Variants in UTS2R observed in about 807,000 individuals in gnomAD.
The protein encoded by UTS2R is urotensin-2 receptor.
For missense variants in UTS2R, 653 were observed against 562.2 expected, an observed-to-expected ratio of 1.16 and a Z score of -1.63; for synonymous variants, 335 against 280.9, an observed-to-expected ratio of 1.19 and a Z score of -1.93.
In UTS2R at chr17:82,372,601, A is replaced by C. The variant is rs190200820; in HGVS notation, c.-265A>C. On this transcript the variant is annotated 5_prime_UTR_variant, in exon 2 of 3. Coordinates refer to ENST00000313135, the MANE Select transcript of UTS2R (RefSeq NM_018949.3). ...CTCCTGTGTCTTGTTTCTTCAGCCC[A>C]CCACCGCGCTGTTTCATCCAGGCTG... Among the ~76,000 whole-genome samples the C allele has an allele frequency of 1.5e-3, 229 of 152,194 alleles. 1 individual carries two copies. Among genetic ancestry groups the C allele is most frequent in the Non-Finnish European group, 2.5e-3 (167 of 68,008 alleles).
chr17:82,372,489 G>A (rs2052458250), intron 1 of UTS2R, among the ~76,000 whole-genome samples, 109 bp from the exon 2 acceptor site: 1 of 152,180 alleles, frequency 6.6e-6, no homozygotes, highest in Non-Finnish European at 1.5e-5. Context: ...CCCACCTGTT[G>A]ACAACTCCCC....
intron 2 of UTS2R, among the ~76,000 whole-genome samples, chr17:82,373,355 T>C (rs995887976): frequency 1.3e-5 from 2 of 151,854 alleles, no homozygotes; most frequent in Non-Finnish European, 2.9e-5. Flanking sequence ...AGAGACGGGG[T>C]TTCGAGATGT....
chr17:82,377,068 G>A lies in UTS2R; in HGVS notation c.*1574G>A, dbSNP rs1188428148. ...GATTGAGAAATCGGATGGTTGCCGT[G>A]TCTGTGTAGAAAGAAGTAGACATGG... On this transcript the variant is annotated 3_prime_UTR_variant, in exon 3 of 3. Transcript: ENST00000313135. 6.6e-6 allele frequency among the ~76,000 whole-genome samples: 1 copy of A among 152,216 alleles called. No homozygotes were observed. Among genetic ancestry groups the A allele is most frequent in the Non-Finnish European group, 1.5e-5 (1 of 68,044 alleles).
chr17:82,375,573 C>T lies in UTS2R; in HGVS notation c.*79C>T. On this transcript the variant is annotated 3_prime_UTR_variant, in exon 3 of 3. Coordinates refer to ENST00000313135, the MANE Select transcript of UTS2R (RefSeq NM_018949.3). ...CACTCCCGGGAGCCCCCCCAACTCC[C>T]AAATCACAGGCCCTGCCCCTCCTCC... 2 of 561,924 alleles carry T rather than the reference C, an allele frequency of 3.6e-6. No homozygotes were observed. Among genetic ancestry groups the T allele is most frequent in the African/African-American group, 4.0e-5 (2 of 49,864 alleles). The allele number at this position is 561,924 out of a possible 1,614,324, so 34.8% of individuals were successfully genotyped here.
At position 82,375,369 on chromosome 17, in the gene UTS2R, GC is replaced by G; in HGVS notation, c.1048del (p.Arg350AlafsTer102). The part of the protein sequence containing the change: ...RGPVPSLQPR[A>X]RFQRCSGRSL... ...GCCCGTTCCCTCCCTGCAGCCCCGCGCCCGCTTCCAGCGCTGTTCGGGCCGC... is the reference window on the plus strand; with the variant it reads ...GCCCGTTCCCTCCCTGCAGCCCCGCGCCGCTTCCAGCGCTGTTCGGGCCGC... On this transcript the variant is annotated frameshift_variant, in exon 3 of 3. Transcript: ENST00000313135. LOFTEE classifies it low-confidence loss of function (END_TRUNC). 3.2e-6 allele frequency: 5 copies of G among 1,577,972 alleles called. No homozygotes were observed. The highest frequency in any genetic ancestry group is 4.3e-6 in the Non-Finnish European group (5 of 1,167,656).
Position 82,376,846 on chromosome 17 carries a change from G to A in UTS2R, c.*1352G>A, listed in dbSNP as rs914542786. ...GCCCCGTCTGGGAGGGAGGTGGGGG[G>A]GTCAGCCCCCCGCCCGGCCAGCCAC... On this transcript the variant is annotated 3_prime_UTR_variant, in exon 3 of 3. Transcript: ENST00000313135. Among the ~76,000 whole-genome samples the A allele has an allele frequency of 1.2e-4, 18 of 152,186 alleles. No individual in the cohort carries two copies. The highest frequency in any genetic ancestry group is 3.9e-4 in the Admixed American group (6 of 15,292).
In UTS2R at chr17:82,375,267, TAC is replaced by T. The variant is rs1257871883; in HGVS notation, c.946_947del (p.Thr316AlafsTer52). On this transcript the variant is annotated frameshift_variant, in exon 3 of 3. Coordinates refer to ENST00000313135, the MANE Select transcript of UTS2R (RefSeq NM_018949.3). LOFTEE classifies it low-confidence loss of function (END_TRUNC). ...CAACAGCTGCGCCAACCCCTTCCTC[TAC>T]ACGCTGCTCACCAGGAACTACCGCG... Reference protein sequence around the residue: ...YGNSCANPFLYTLLTRNYRDH... With the variant: ...YGNSCANPFLXTLLTRNYRDH... The T allele has an allele frequency of 1.3e-6, 2 of 1,571,468 alleles. No individual in the cohort carries two copies. The highest frequency in any genetic ancestry group is 2.8e-5 in the African/African-American group (2 of 72,682).
At position 82,375,554 on chromosome 17, in the gene UTS2R, C is replaced by T. The variant is rs572156297; in HGVS notation, c.*60C>T. On this transcript the variant is annotated 3_prime_UTR_variant, in exon 3 of 3. Coordinates refer to ENST00000313135, the MANE Select transcript of UTS2R (RefSeq NM_018949.3). ...CGCGCCCCAAAGCCCCAGCCACTCC[C>T]GGGAGCCCCCCCAACTCCCAAATCA... 13 of 655,894 alleles carry T rather than the reference C, an allele frequency of 2.0e-5. No homozygotes were observed. Among genetic ancestry groups the T allele is most frequent in the Admixed American group, 8.2e-5 (2 of 24,402 alleles). The allele number at this position is 655,894 out of a possible 1,614,324, so 40.6% of individuals were successfully genotyped here.
chr17:82,372,348 C>A (rs1298925571), intron 1 of UTS2R, among the ~76,000 whole-genome samples: 1 of 152,170 alleles, frequency 6.6e-6, no homozygotes, highest in East Asian at 1.9e-4. Flanking sequence ...TGGGTGAGGG[C>A]TCTGGAAATG....
At chr17:82,373,488 A>C (rs1381385055) in intron 2 of UTS2R, among the ~76,000 whole-genome samples, 2 of 152,224 alleles carry the variant, frequency 1.3e-5, no homozygotes, top group African/African-American at 4.8e-5. Context: ...ATGATCTCCT[A>C]GCCTGTGGCT....
intron 2 of UTS2R, among the ~76,000 whole-genome samples, chr17:82,373,005 A>G (rs1319439309): frequency 6.6e-6 from 1 of 152,042 alleles, no homozygotes; most frequent in East Asian, 1.9e-4. Flanking sequence ...CCTGACTGGC[A>G]TTTCCCTGCT....
Position 82,372,043 on chromosome 17 carries a change from G to A in UTS2R, c.-273G>A, listed in dbSNP as rs2052455227. Among the ~76,000 whole-genome samples the A allele has an allele frequency of 6.6e-6, 1 of 152,156 alleles. No homozygotes were observed. Among genetic ancestry groups the A allele is most frequent in the Admixed American group, 6.5e-5 (1 of 15,286 alleles). On this transcript the variant is annotated 5_prime_UTR_variant, in exon 1 of 3. Transcript: ENST00000313135. The stretch of plus-strand genomic sequence containing the variant: ...CAGGTCTGGCCGCTCAGTGACCGGA[G>A]GCAGGTGGGTCCTCGGTGGGTGACC...
At position 82,376,857 on chromosome 17, in the gene UTS2R, C is replaced by G. The variant is rs1035839016; in HGVS notation, c.*1363C>G. The stretch of plus-strand genomic sequence containing the variant: ...GAGGGAGGTGGGGGGGTCAGCCCCC[C>G]GCCCGGCCAGCCACCCCGTCCGGGA... On this transcript the variant is annotated 3_prime_UTR_variant, in exon 3 of 3. Transcript: ENST00000313135. Among the ~76,000 whole-genome samples, 5 of 152,112 alleles carry G rather than the reference C, an allele frequency of 3.3e-5. No homozygotes were observed. The highest frequency in any genetic ancestry group is 1.2e-4 in the African/African-American group (5 of 41,426).
rs772755144 is a variant in UTS2R at position 82,374,924 on chromosome 17, G to T, written c.600G>T (p.Leu200=). Residue 200 remains leucine, a synonymous_variant, in exon 3 of 3, where the codon CTG becomes CTT. Transcript: ENST00000313135. ...LVRRGPKSLC[L]PAWGPRAHRA... Reference sequence around the variant, plus strand: ...GCCGGGGTCCCAAGAGCCTGTGCCTGCCCGCCTGGGGCCCGCGCGCCCACC... The same window carrying T: ...GCCGGGGTCCCAAGAGCCTGTGCCTTCCCGCCTGGGGCCCGCGCGCCCACC... The T allele has an allele frequency of 3.3e-5, 37 of 1,124,410 alleles. No homozygotes were observed. Among genetic ancestry groups the T allele is most frequent in the Non-Finnish European group, 3.7e-5 (29 of 775,148 alleles). 69.7% of individuals were successfully genotyped at this position (1,124,410 alleles called of 1,614,324 possible).
intron 2 of UTS2R, among the ~76,000 whole-genome samples, 116 bp downstream of exon 2, chr17:82,372,899 G>A (rs966709963): frequency 1.3e-5 from 2 of 152,154 alleles, no homozygotes; most frequent in Admixed American, 6.5e-5. Flanking sequence ...AACAGGAAAC[G>A]GCAGGGCCAG....
chr17:82,375,170 G>A lies in UTS2R; in HGVS notation c.846G>A (p.Gln282=), dbSNP rs1460338877. 6.5e-7 allele frequency: 1 copy of A among 1,547,990 alleles called. No individual in the cohort carries two copies. The highest frequency in any genetic ancestry group is 8.7e-7 in the Non-Finnish European group (1 of 1,147,612). Residue 282 remains glutamine, a synonymous_variant, in exon 3 of 3, where the codon CAG becomes CAA. Coordinates refer to ENST00000313135, the MANE Select transcript of UTS2R (RefSeq NM_018949.3). ...TCTGGCTGTGGCAGCTGCTCGCCCA[G>A]TACCACCAGGCCCCGCTGGCGCCGC... ...LPFWLWQLLA[Q]YHQAPLAPRT... is the part of the protein sequence containing the mutation.
Position 82,375,417 on chromosome 17 carries a change from C to T in UTS2R, c.1093C>T (p.Gln365Ter), listed in dbSNP as rs749241106. Residue 365 changes from glutamine to a stop codon, truncating the protein, a stop_gained, in exon 3 of 3, where the codon CAG becomes TAG. Coordinates refer to ENST00000313135, the MANE Select transcript of UTS2R (RefSeq NM_018949.3). LOFTEE classifies it low-confidence loss of function (END_TRUNC). Reference protein sequence around the residue: ...SGRSLSSCSPQPTDSLVLAPA... With the variant: ...SGRSLSSCSP ...CCGCTCCCTGTCTTCCTGCAGCCCA[C>T]AGCCCACTGACAGCCTCGTGCTGGC... 3 of 1,575,316 alleles carry T rather than the reference C, an allele frequency of 1.9e-6. No individual in the cohort carries two copies. The highest frequency in any genetic ancestry group is 1.7e-5 in the Admixed American group (1 of 57,372).
rs1567856260 is a variant in UTS2R at position 82,371,947 on chromosome 17, C to T, written c.-369C>T. 6.6e-6 allele frequency among the ~76,000 whole-genome samples: 1 copy of T among 151,886 alleles called. No individual in the cohort carries two copies. The highest frequency in any genetic ancestry group is 1.5e-5 in the Non-Finnish European group (1 of 67,926). On this transcript the variant is annotated 5_prime_UTR_variant, in exon 1 of 3. Coordinates refer to ENST00000313135, the MANE Select transcript of UTS2R (RefSeq NM_018949.3). The surrounding 1 kb of genome is among the most constrained non-coding windows in gnomAD (Gnocchi z 6.3). ...GGGGAGCGCGCCTCGGAAAGTTCCC[C>T]GCGGCCCCGCTGCGCGAGGAGTTTG...
At chr17:82,372,146 C>T (rs890593467) in intron 1 of UTS2R, among the ~76,000 whole-genome samples, 99 bp downstream of exon 1, 1 of 152,140 alleles carries the variant, frequency 6.6e-6, no homozygotes, top group Non-Finnish European at 1.5e-5. Context: ...CGGTGGGAAC[C>T]CACCCTGGGC....
Sources: allele counts gnomAD v4.1 joint callset (sites outside exome capture counted in the v4.1 genomes callset), GRCh38; gene constraint gnomAD v4.1.1; non-coding constraint Gnocchi (gnomAD v3.1); transcripts MANE v1.5; gene names NCBI Gene and HGNC (gene_info 2026-07-23, HGNC 2026-07-21).